ITSN2: variants seen among roughly 807,000 people sequenced by gnomAD.
The protein encoded by ITSN2 is intersectin-2.
ITSN2 carries 156 observed loss-of-function variants against 243.7 expected under a neutral mutation model. The ratio of observed to expected loss-of-function variants is 0.64; its 90% CI spans 0.56 to 0.73. The LOEUF is 0.73. ITSN2 is among the 30% of genes least tolerant of loss of function. ITSN2 has a pLI of 0.00. For synonymous variants in ITSN2, 703 were observed against 699.9 expected, an observed-to-expected ratio of 1.00 and a Z score of -0.07; for missense variants, 1,801 against 1,996.1, an observed-to-expected ratio of 0.90 and a Z score of 1.86.
chr2:24,209,716 G>C (rs1356163011), intron 35 of ITSN2, 102 bp downstream of exon 35: 3 of 878,536 alleles, frequency 3.4e-6, no homozygotes, highest in Non-Finnish European at 3.7e-6. Context: ...ACCAGGTGAG[G>C]AGGGTCCCGT....
intron 29 of ITSN2, among the ~76,000 whole-genome samples, chr2:24,222,145 A>G (rs774400125): frequency 4.6e-5 from 7 of 151,672 alleles, no homozygotes; most frequent in Non-Finnish European, 8.8e-5. Flanking sequence ...CCAGCTACTC[A>G]GGAGGCTGAG....
chr2:24,293,622 A>T (rs1273435607), intron 15 of ITSN2, 66 bp downstream of exon 15: 9 of 625,370 alleles, frequency 1.4e-5, no homozygotes, highest in Non-Finnish European at 2.6e-5. Flanking sequence ...TTAAAAAAGT[A>T]ACAATGTGAC....
chr2:24,217,859 TG>T, intron 31 of ITSN2, 47 bp downstream of exon 31: 1 of 1,330,202 alleles, frequency 7.5e-7, no homozygotes, highest in Non-Finnish European at 1.1e-6. Flanking sequence ...AGTCTCAGTC[TG>T]GGGGCTTTGG....
chr2:24,270,194 T>C (rs1208840360), intron 20 of ITSN2, among the ~76,000 whole-genome samples: 2 of 152,196 alleles, frequency 1.3e-5, no homozygotes, highest in Non-Finnish European at 2.9e-5. Context: ...GCCTGTACTC[T>C]TTCCATTATG....
chr2:24,227,248 T>G (rs2151183082), intron 29 of ITSN2, among the ~76,000 whole-genome samples: 1 of 148,854 alleles, frequency 6.7e-6, no homozygotes, highest in South Asian at 2.1e-4. Context: ...TCCATGAGAT[T>G]CCACAGAAAA....
intron 5 of ITSN2, 139 bp from the exon 6 acceptor site, chr2:24,310,831 C>T: frequency 1.5e-6 from 1 of 684,540 alleles, no homozygotes; most frequent in South Asian, 1.9e-5. Context: ...AAACTCACTA[C>T]TTTGACCCAG....
intron 2 of ITSN2, among the ~76,000 whole-genome samples, chr2:24,324,131 C>G (rs1447731696): frequency 1.3e-5 from 2 of 152,134 alleles, no homozygotes; most frequent in Admixed American, 6.5e-5. Context: ...ACTCGGGAGG[C>G]TGAGGCAGGA....
At chr2:24,311,503 C>A (rs1015310683) in intron 5 of ITSN2, 2 of 166,900 alleles carry the variant, frequency 1.2e-5, no homozygotes, top group African/African-American at 2.4e-5. Flanking sequence ...CCCATAGCCT[C>A]CCAAGCAGCC....
intron 35 of ITSN2, among the ~76,000 whole-genome samples, 160 bp from the exon 36 acceptor site, chr2:24,209,381 T>C (rs570360021): frequency 6.6e-6 from 1 of 152,300 alleles, no homozygotes; most frequent in Non-Finnish European, 1.5e-5. Flanking sequence ...AAACCTCCAT[T>C]TGTAAGAACA....
At position 24,310,570 on chromosome 2, in the gene ITSN2, C is replaced by G; in HGVS notation, c.475G>C (p.Val159Leu). ...LPPLMMPTPL[V>L]PSVSTSSLPN... ...AATGATGATGTGCTAACAGAAGGCA[C>G]TAGGGGAGTGGGCATCATTAAGGGA... Residue 159 changes from valine (V) to leucine (L), a missense_variant, in exon 6 of 40, where the codon GTG becomes CTG. This residue lies in a region of ITSN2 where 787 missense variants were observed against 803.9 expected (regional missense o/e 0.98). Transcript: ENST00000355123. 1.9e-6 allele frequency: 3 copies of G among 1,613,942 alleles called. No homozygotes were observed. Among genetic ancestry groups the G allele is most frequent in the East Asian group, 2.2e-5 (1 of 44,878 alleles).
chr2:24,313,299 GCCTGGCCTCAAGCAATCCTC>G lies in ITSN2; in HGVS notation c.188+141_188+160del, dbSNP rs575994229. On this transcript the variant is annotated intron_variant, in intron 4 of 39. Transcript: ENST00000355123. Reference sequence around the variant, plus strand: ...GACAGGGTTCTCACTATGTTGCCCAGCCTGGCCTCAAGCAATCCTCCTACCTCAGACTCCCAAAGTGCTGG... The same window carrying G: ...GACAGGGTTCTCACTATGTTGCCCAGCTACCTCAGACTCCCAAAGTGCTGG... 1.3e-4 allele frequency among the ~76,000 whole-genome samples: 19 copies of G among 151,640 alleles called. No individual in the cohort carries two copies. In the East Asian group the frequency reaches 3.7e-3, roughly 29 times the overall value.
rs1321431001 is a variant in ITSN2 at position 24,204,709 on chromosome 2, C to T, written c.4763-291G>A. 2.7e-5 allele frequency: 15 copies of T among 559,590 alleles called. No individual in the cohort carries two copies. Among genetic ancestry groups the T allele is most frequent in the Admixed American group, 1.3e-4 (6 of 45,550 alleles). The allele number at this position is 559,590 out of a possible 1,614,324, so 34.7% of individuals were successfully genotyped here. A position where few individuals can be genotyped will look rare whatever the true frequency, so the allele number is the denominator to read the frequency against. On this transcript the variant is annotated intron_variant, in intron 38 of 39. Coordinates refer to ENST00000355123, the MANE Select transcript of ITSN2 (RefSeq NM_006277.3). This position sits in a 1 kb window ranked among gnomAD's most constrained non-coding sequence, Gnocchi z 5.1. Reference sequence around the variant, plus strand: ...TGCAACCTGCTGCATGCTTCCTCGGCGCAGACACACTCGGGAAGGCGGGCA... The same window carrying T: ...TGCAACCTGCTGCATGCTTCCTCGGTGCAGACACACTCGGGAAGGCGGGCA...
chr2:24,355,873 T>C (rs896500345), intron 1 of ITSN2, among the ~76,000 whole-genome samples: 2 of 152,002 alleles, frequency 1.3e-5, no homozygotes, highest in Admixed American at 6.6e-5. Flanking sequence ...CAGACCAGCC[T>C]GGCCTGCATG....
chr2:24,210,087 C>T (rs1669318796), intron 34 of ITSN2, 54 bp from the exon 35 acceptor site: 4 of 1,341,398 alleles, frequency 3.0e-6, no homozygotes, highest in African/African-American at 2.9e-5. Flanking sequence ...CCATCCAGTG[C>T]CCCTGAGAGG....
intron 1 of ITSN2, among the ~76,000 whole-genome samples, chr2:24,337,593 G>C (rs955583684): frequency 6.8e-6 from 1 of 146,938 alleles, no homozygotes; most frequent in African/African-American, 2.5e-5. Context: ...CTTGTGATCT[G>C]CCTACCTCAG....
intron 16 of ITSN2, among the ~76,000 whole-genome samples, 170 bp from the exon 17 acceptor site, chr2:24,285,013 C>T (rs1177551671): frequency 6.6e-6 from 1 of 151,106 alleles, no homozygotes; most frequent in Non-Finnish European, 1.5e-5. Context: ...TCTCCTGCCT[C>T]AGCCTCCCGA....
Position 24,203,490 on chromosome 2 carries a change from A to G in ITSN2, c.*136T>C, listed in dbSNP as rs897083200. 6 of 842,404 alleles carry G rather than the reference A, an allele frequency of 7.1e-6. No individual in the cohort carries two copies. The highest frequency in any genetic ancestry group is 1.1e-5 in the Non-Finnish European group (6 of 557,762). The allele number at this position is 842,404 out of a possible 1,614,324, so 52.2% of individuals were successfully genotyped here. A position where few individuals can be genotyped will look rare whatever the true frequency, so the allele number is the denominator to read the frequency against. On this transcript the variant is annotated 3_prime_UTR_variant, in exon 40 of 40. Coordinates refer to ENST00000355123, the MANE Select transcript of ITSN2 (RefSeq NM_006277.3). ...ATTGCTAGCTATTTAGTGTGCAGGA[A>G]AACAGAGCCCCCAGCGTGCATGGCT...
chr2:24,337,841 G>A (rs1326789487), intron 1 of ITSN2, among the ~76,000 whole-genome samples: 1 of 152,030 alleles, frequency 6.6e-6, no homozygotes, highest in Non-Finnish European at 1.5e-5. Flanking sequence ...GCCACTCCCA[G>A]CATGTGCTAG....
intron 1 of ITSN2, among the ~76,000 whole-genome samples, chr2:24,330,211 T>C (rs1014130837): frequency 3.9e-5 from 6 of 152,220 alleles, no homozygotes; most frequent in African/African-American, 1.2e-4. Context: ...AGTTGGGATC[T>C]AGGTCTAAAA....
Sources: gnomAD v4.1 joint callset for allele counts (sites outside exome capture counted in the v4.1 genomes callset) on GRCh38, gnomAD v4.1.1 for gene constraint, gnomAD v4.1.1 regional missense constraint, Gnocchi (gnomAD v3.1) non-coding constraint, MANE v1.5 for transcripts, NCBI Gene and HGNC (gene_info 2026-07-23, HGNC 2026-07-21) for gene names.